Variants in PDCD11 observed in about 807,000 individuals in gnomAD.
The protein encoded by PDCD11 is protein RRP5 homolog.
Under a neutral mutation model 198.9 loss-of-function variants are expected in PDCD11, and 97 were observed. The ratio of observed to expected loss-of-function variants is 0.49; its 90% CI spans 0.41 to 0.58. PDCD11 has a LOEUF of 0.58. PDCD11 is among the 20% of genes least tolerant of loss of function. PDCD11 has a pLI of 0.00. For synonymous variants in PDCD11, 893 were observed against 918.0 expected, an observed-to-expected ratio of 0.97 and a Z score of 0.49; for missense variants, 2,102 against 2,312.7, an observed-to-expected ratio of 0.91 and a Z score of 1.87.
At chr10:103,441,224 T>G (rs934323015) in intron 30 of PDCD11, among the ~76,000 whole-genome samples, 1 of 152,142 alleles carries the variant, frequency 6.6e-6, no homozygotes, top group African/African-American at 2.4e-5. Flanking sequence ...CCCTCAGAAT[T>G]ATTGTCATCT....
Position 103,445,237 on chromosome 10 carries a change from T to C in PDCD11, c.5445-141T>C, listed in dbSNP as rs1298431212. 5.5e-6 allele frequency: 4 copies of C among 729,250 alleles called. No individual in the cohort carries two copies. The African/African-American group carries it at 7.0e-5, about 13-fold the overall frequency. 45.2% of individuals were successfully genotyped at this position (729,250 alleles called of 1,614,324 possible). ...GGCATCATGGGAGTTCATCATGGAT[T>C]AATAAAGATAATGGTAGAAGTGGGA... On this transcript the variant is annotated intron_variant, in intron 35 of 35. Coordinates refer to ENST00000369797, the MANE Select transcript of PDCD11 (RefSeq NM_014976.2).
At chr10:103,399,748 T>G in intron 2 of PDCD11, 1 of 152,492 alleles carries the variant, frequency 6.6e-6, no homozygotes, top group Non-Finnish European at 1.5e-5. Context: ...AAGTGCAGTG[T>G]TGTGATCTCA....
chr10:103,417,178 C>A (rs187533892), intron 13 of PDCD11, among the ~76,000 whole-genome samples: 1 of 151,706 alleles, frequency 6.6e-6, no homozygotes, highest in Non-Finnish European at 1.5e-5. Flanking sequence ...TTTTTCTTTT[C>A]CTTTTTTTTT....
chr10:103,428,782 G>C (rs886708148), intron 21 of PDCD11, among the ~76,000 whole-genome samples: 5 of 152,142 alleles, frequency 3.3e-5, no homozygotes, highest in Non-Finnish European at 5.9e-5. Flanking sequence ...GAGCCAGAGT[G>C]GGGGTACTTG....
At chr10:103,405,372 C>A in intron 5 of PDCD11, 189 bp downstream of exon 5, 1 of 489,416 alleles carries the variant, frequency 2.0e-6, no homozygotes, top group African/African-American at 2.0e-5. Context: ...CTAATCATTA[C>A]ATTGGAGAAG....
At chr10:103,408,082 C>T (rs376204500) in intron 7 of PDCD11, among the ~76,000 whole-genome samples, 2 of 152,168 alleles carry the variant, frequency 1.3e-5, no homozygotes, top group South Asian at 2.1e-4. Flanking sequence ...TTGTCATTTG[C>T]GAAATTCTCT....
chr10:103,409,322 T>A (rs1359135684), intron 7 of PDCD11, among the ~76,000 whole-genome samples: 3 of 137,580 alleles, frequency 2.2e-5, no homozygotes, highest in Admixed American at 7.9e-5. Flanking sequence ...CTTTTTTTTT[T>A]AACCTTTTTT....
chr10:103,423,180 C>T, intron 18 of PDCD11, 43 bp downstream of exon 18: 3 of 1,488,082 alleles, frequency 2.0e-6, no homozygotes, highest in Non-Finnish European at 2.7e-6. Flanking sequence ...TGGGAGGACC[C>T]TTTGTCCATT....
At chr10:103,421,806 T>C (rs1226817369) in intron 17 of PDCD11, among the ~76,000 whole-genome samples, 1 of 146,006 alleles carries the variant, frequency 6.8e-6, no homozygotes, top group Non-Finnish European at 1.5e-5. Flanking sequence ...CTACTAAAAA[T>C]ACAAAAAAAA....
At position 103,440,165 on chromosome 10, in the gene PDCD11, A is replaced by T; in HGVS notation, c.4149-125A>T. 3 of 1,378,746 alleles carry T rather than the reference A, an allele frequency of 2.2e-6. No individual in the cohort carries two copies. The South Asian group carries it at 4.3e-5, about 20-fold the overall frequency. The allele number at this position is 1,378,746 out of a possible 1,614,324, so 85.4% of individuals were successfully genotyped here. ...AATCATTCTTGAGAATATTGAAAGGACTCCCAAGGCAGATGGGGGCAGGGC... is the reference window on the plus strand; with the variant it reads ...AATCATTCTTGAGAATATTGAAAGGTCTCCCAAGGCAGATGGGGGCAGGGC... On this transcript the variant is annotated intron_variant, in intron 28 of 35. Coordinates refer to ENST00000369797, the MANE Select transcript of PDCD11 (RefSeq NM_014976.2).
At position 103,425,219 on chromosome 10, in the gene PDCD11, A is replaced by G; in HGVS notation, c.2999A>G (p.Lys1000Arg). 1 of 1,614,168 alleles carries G rather than the reference A, an allele frequency of 6.2e-7. No homozygotes were observed. Residue 1000 changes from lysine to arginine, a missense_variant, in exon 20 of 36, where the codon AAG (lysine) becomes AGG (arginine). Physicochemically the swap from Lys to Arg is conservative, Grantham distance 26 (BLOSUM62 2). Transcript: ENST00000369797. Reference sequence around the variant, plus strand: ...TTGGCTGTGGAGGGGCCGGCTGCCAAGAGGACCATGAGGCCGACCCAGAAG... The same window carrying G: ...TTGGCTGTGGAGGGGCCGGCTGCCAGGAGGACCATGAGGCCGACCCAGAAG... ...LLLAVEGPAA[K>R]RTMRPTQKDS...
In PDCD11 at chr10:103,416,753, C is replaced by T. The variant is rs749470159; in HGVS notation, c.1770+11C>T. ...TTTTACACTGGCCAGGTAACCCTTC[C>T]CCTAGACAGGTCCCCTTTACCCTTG... On this transcript the variant is annotated intron_variant, in intron 13 of 35. Transcript: ENST00000369797. The T allele has an allele frequency of 1.2e-6, 2 of 1,611,092 alleles. No homozygotes were observed. Among genetic ancestry groups the T allele is most frequent in the Non-Finnish European group, 8.5e-7 (1 of 1,178,008 alleles).
chr10:103,410,528 T>C (rs1262736058), intron 8 of PDCD11, among the ~76,000 whole-genome samples: 1 of 151,888 alleles, frequency 6.6e-6, no homozygotes, highest in Non-Finnish European at 1.5e-5. Flanking sequence ...AAAGTACCTC[T>C]GGTTAAAATA....
chr10:103,433,279 C>T (rs755153944), intron 22 of PDCD11, among the ~76,000 whole-genome samples: 1 of 152,056 alleles, frequency 6.6e-6, no homozygotes, highest in Non-Finnish European at 1.5e-5. Context: ...CAGATCACTT[C>T]AGGTCAGGAG....
intron 26 of PDCD11, 30 bp from the exon 27 acceptor site, chr10:103,438,655 AG>A (rs765735220): frequency 6.2e-7 from 1 of 1,613,910 alleles, no homozygotes; most frequent in East Asian, 2.2e-5. Context: ...TGGAGGTTAA[AG>A]GTGTGCATGT....
In PDCD11 at chr10:103,422,999, A is replaced by G; in HGVS notation, c.2509A>G (p.Ile837Val). ...TGGATCTCTGGCAGACTCTGTGTTG[A>G]TCCAGACGCTGGCCGAGATGACCCC... ...SLMSNRDSVL[I>V]QTLAEMTPGM... The change falls in exon 18 of 36, where the codon ATC becomes GTC. Residue 837 changes from isoleucine (I) to valine (V), a missense_variant. Ile to Val is a conservative substitution (Grantham distance 29). Transcript: ENST00000369797. 6.4e-7 allele frequency: 1 copy of G among 1,560,534 alleles called. No homozygotes were observed. Among genetic ancestry groups the G allele is most frequent in the Non-Finnish European group, 8.7e-7 (1 of 1,154,826 alleles).
In PDCD11 at chr10:103,417,829, A is replaced by G. The variant is rs2031194293; in HGVS notation, c.1808A>G (p.Lys603Arg). ...KVVVLNCEPS[K>R]ERMLLSFKLS... ...GTCGTATTGAACTGTGAGCCATCCA[A>G]AGAGAGGATGCTCTTATCCTTCAAG... The change falls in exon 14 of 36, where the codon AAA becomes AGA. Residue 603 changes from lysine (K) to arginine (R), a missense_variant. By Grantham distance (26) the Lys-to-Arg change is conservative. Transcript: ENST00000369797. 5 of 1,614,044 alleles carry G rather than the reference A, an allele frequency of 3.1e-6. No homozygotes were observed. The highest frequency in any genetic ancestry group is 1.6e-4 in the Middle Eastern group (1 of 6,084).
At chr10:103,429,593 C>T (rs1283802557) in intron 21 of PDCD11, among the ~76,000 whole-genome samples, 1 of 152,066 alleles carries the variant, frequency 6.6e-6, no homozygotes, top group African/African-American at 2.4e-5. Flanking sequence ...TCTGTGTCCT[C>T]ATCACAGATG....
At chr10:103,421,820 A>G (rs2031446707) in intron 17 of PDCD11, among the ~76,000 whole-genome samples, 1 of 148,154 alleles carries the variant, frequency 6.7e-6, no homozygotes, top group Non-Finnish European at 1.5e-5. Flanking sequence ...AAAAAAAATT[A>G]GCCGGGCGCG....
Sources: allele counts gnomAD v4.1 joint callset (sites outside exome capture counted in the v4.1 genomes callset), GRCh38; gene constraint gnomAD v4.1.1; transcripts MANE v1.5; gene names NCBI Gene and HGNC (gene_info 2026-07-23, HGNC 2026-07-21).